CCDC158: variants seen among roughly 807,000 people sequenced by gnomAD.
The protein encoded by CCDC158 is coiled-coil domain-containing protein 158.
CCDC158 carries 116 observed loss-of-function variants against 138.6 expected under a neutral mutation model. That is an observed-to-expected ratio of 0.84 (90% CI 0.72 to 0.98). CCDC158 has a LOEUF of 0.98. Ranked by LOEUF, CCDC158 falls within the 50% of genes least tolerant of loss-of-function variation. CCDC158 has a pLI of 0.00. For synonymous variants in CCDC158, 436 were observed against 442.4 expected (o/e 0.99, Z 0.18); for missense variants, 1,265 against 1,306.1 (o/e 0.97, Z 0.48).
At chr4:76,380,614 T>C (rs1726141794) in intron 8 of CCDC158, among the ~76,000 whole-genome samples, 1 of 152,176 alleles carries the variant, frequency 6.6e-6, no homozygotes, top group Non-Finnish European at 1.5e-5. Context: ...AAGCACAGTG[T>C]AAAAGTTTGG....
At chr4:76,315,531 G>A (rs1259358126) in intron 24 of CCDC158, among the ~76,000 whole-genome samples, 2 of 152,198 alleles carry the variant, frequency 1.3e-5, no homozygotes, top group African/African-American at 4.8e-5. Flanking sequence ...ACTCATGATA[G>A]AAATGATAGA....
chr4:76,314,951 C>G (rs551719633), intron 24 of CCDC158, among the ~76,000 whole-genome samples: 1 of 152,278 alleles, frequency 6.6e-6, no homozygotes, highest in East Asian at 1.9e-4. Flanking sequence ...TGTGGGCAGA[C>G]AGGAAGGGGC....
chr4:76,349,868 C>G (rs189103650), intron 18 of CCDC158, among the ~76,000 whole-genome samples: 9 of 152,096 alleles, frequency 5.9e-5, no homozygotes, highest in Admixed American at 4.6e-4. Context: ...CTTGGTGACC[C>G]TAGAGGTCAT....
Position 76,372,778 on chromosome 4 carries a change from G to T in CCDC158, c.1030-1242C>A, listed in dbSNP as rs190539543. Among the ~76,000 whole-genome samples, 240 of 152,254 alleles carry T rather than the reference G, an allele frequency of 1.6e-3. 2 individuals carry two copies. Among genetic ancestry groups the T allele is most frequent in the African/African-American group, 5.5e-3 (227 of 41,540 alleles). On this transcript the variant is annotated intron_variant, in intron 9 of 24. Transcript: ENST00000682701. Reference sequence around the variant, plus strand: ...AAGTGCATTTTATTCTGACAAGGCAGCTGTTTGATCTGTTTGAATATGCAT... The same window carrying T: ...AAGTGCATTTTATTCTGACAAGGCATCTGTTTGATCTGTTTGAATATGCAT...
At chr4:76,397,574 T>C (rs1213144727) in intron 3 of CCDC158, among the ~76,000 whole-genome samples, 1 of 152,118 alleles carries the variant, frequency 6.6e-6, no homozygotes, top group African/African-American at 2.4e-5. Flanking sequence ...GTTGTTAATG[T>C]TGGTAGTATT....
chr4:76,394,308 T>C (rs1560467829), intron 4 of CCDC158, among the ~76,000 whole-genome samples: 1 of 152,110 alleles, frequency 6.6e-6, no homozygotes, highest in Non-Finnish European at 1.5e-5. Context: ...TAATAAAGAA[T>C]GACATACTGT....
intron 18 of CCDC158, chr4:76,345,270 A>G (rs1480788824): frequency 1.1e-5 from 10 of 941,878 alleles, no homozygotes; most frequent in Non-Finnish European, 1.8e-5. Flanking sequence ...ACGATACTAC[A>G]TGCTCAACAT....
intron 3 of CCDC158, among the ~76,000 whole-genome samples, chr4:76,397,211 GA>G (rs375388366): frequency 3.0e-4 from 44 of 146,500 alleles, no homozygotes; most frequent in Middle Eastern, 3.4e-3. Flanking sequence ...CTTAATTTTG[GA>G]AAAAAAAAAC....
intron 1 of CCDC158, among the ~76,000 whole-genome samples, chr4:76,416,981 C>T (rs1026245517): frequency 2.6e-5 from 4 of 152,216 alleles, no homozygotes; most frequent in Admixed American, 2.0e-4. Flanking sequence ...TCCACCAACA[C>T]CTTGCACTGT....
rs763057359 is a variant in CCDC158, at chr4:76,396,466, C to G, written c.91G>C (p.Val31Leu). The change falls in exon 4 of 25, where the codon GTG becomes CTG. Residue 31 changes from valine (V) to leucine (L), a missense_variant. Physicochemically the swap from Val to Leu is conservative, Grantham distance 32. Coordinates refer to ENST00000682701, the MANE Select transcript of CCDC158 (RefSeq NM_001394954.1). Reference protein sequence around the residue: ...SNGGSSSSFFVSSIRGTIIEN... With the variant: ...SNGGSSSSFFLSSIRGTIIEN... ...ATTATTGTACCACGAATAGATGACA[C>G]AAAAAATGAACTTGAAGAACCTAAA... The G allele has an allele frequency of 6.2e-7, 1 of 1,602,676 alleles. No homozygotes were observed. Among genetic ancestry groups the G allele is most frequent in the Non-Finnish European group, 8.5e-7 (1 of 1,176,766 alleles).
At chr4:76,353,090 GA>G in intron 16 of CCDC158, 32 bp downstream of exon 16, 1 of 1,541,780 alleles carries the variant, frequency 6.5e-7, no homozygotes, top group Non-Finnish European at 8.9e-7. Flanking sequence ...CTATTTAGTT[GA>G]TAATTACTTC....
intron 14 of CCDC158, among the ~76,000 whole-genome samples, chr4:76,355,770 G>A (rs1188637748): frequency 6.8e-6 from 1 of 147,964 alleles, no homozygotes; most frequent in Non-Finnish European, 1.5e-5. Flanking sequence ...TACCCATGTA[G>A]GGAAATATAT....
At chr4:76,401,034 G>A (rs1431858394) in intron 3 of CCDC158, among the ~76,000 whole-genome samples, 1 of 152,070 alleles carries the variant, frequency 6.6e-6, no homozygotes, top group Admixed American at 6.5e-5. Flanking sequence ...AAAACCCAGC[G>A]GTGCCTGAGC....
In CCDC158 at chr4:76,382,058, G is replaced by A. The variant is rs534765684; in HGVS notation, c.914+552C>T. 2.6e-5 allele frequency among the ~76,000 whole-genome samples: 4 copies of A among 152,334 alleles called. 1 individual carries two copies. Among genetic ancestry groups the A allele is most frequent in the South Asian group, 4.1e-4 (2 of 4,832 alleles). Reference sequence around the variant, plus strand: ...TCTGAATTGTAATCACCATGTGTCAGGGGAGGGGCCTTGTGGGAGGTAACT... The same window carrying A: ...TCTGAATTGTAATCACCATGTGTCAAGGGAGGGGCCTTGTGGGAGGTAACT... On this transcript the variant is annotated intron_variant, in intron 8 of 24. Transcript: ENST00000682701.
At chr4:76,316,587 T>C (rs532650530) in intron 24 of CCDC158, among the ~76,000 whole-genome samples, 1 of 152,126 alleles carries the variant, frequency 6.6e-6, no homozygotes, top group East Asian at 1.9e-4. Context: ...GATCTAGACA[T>C]TCAAATACAA....
intron 24 of CCDC158, 46 bp from the exon 25 acceptor site, chr4:76,313,292 C>G: frequency 8.4e-7 from 1 of 1,188,460 alleles, no homozygotes; most frequent in Non-Finnish European, 1.2e-6. Context: ...TCTACTTAGG[C>G]TTTAATTCTA....
At chr4:76,367,803 A>G in intron 11 of CCDC158, 27 bp from the exon 12 acceptor site, 5 of 1,576,998 alleles carry the variant, frequency 3.2e-6, no homozygotes, top group Non-Finnish European at 3.4e-6. Flanking sequence ...AGAGAATTTC[A>G]TAGATTTGGG....
intron 9 of CCDC158, chr4:76,375,804 G>A (rs1725665373): frequency 1.8e-6 from 1 of 550,976 alleles, no homozygotes; most frequent in African/African-American, 1.9e-5. Flanking sequence ...CAATTTCTAT[G>A]TTCACCAGCA....
At chr4:76,363,902 C>T (rs760587032) in intron 12 of CCDC158, among the ~76,000 whole-genome samples, 1 of 151,926 alleles carries the variant, frequency 6.6e-6, no homozygotes, top group African/African-American at 2.4e-5. Flanking sequence ...AGCATGGAGA[C>T]CAGTGAGAAG....
Sources: gnomAD v4.1 joint callset for allele counts (sites outside exome capture counted in the v4.1 genomes callset) on GRCh38, gnomAD v4.1.1 for gene constraint, MANE v1.5 for transcripts, NCBI Gene and HGNC (gene_info 2026-07-23, HGNC 2026-07-21) for gene names.